Variants in C11orf54 observed in about 807,000 individuals in gnomAD.
The protein encoded by C11orf54 is beta-keto-L-gulonate decarboxylase.
C11orf54 carries 29 observed loss-of-function variants against 35.5 expected under a neutral mutation model. That is an observed-to-expected ratio of 0.82 (90% CI 0.61 to 1.11). The LOEUF is 1.11. Among genes scored for constraint, C11orf54 ranks in the 50% most tolerant of loss-of-function variants. C11orf54 has a pLI of 0.00. For synonymous variants in C11orf54, 108 were observed against 121.1 expected (o/e 0.89, Z 0.71); for missense variants, 373 against 369.2 (o/e 1.01, Z -0.08).
chr11:93,759,708 G>A lies in C11orf54; in HGVS notation c.658-34G>A, dbSNP rs143116162. On this transcript the variant is annotated intron_variant, in intron 7 of 8. Transcript: ENST00000354421. ...AATTTTTAATTCTTAGTAATATTCA[G>A]TATGTTTACCTATGTAATTATCTTT... is the stretch of plus-strand genomic sequence containing the variant. The A allele has an allele frequency of 2.9e-3, 3,279 of 1,114,846 alleles. 65 individuals are homozygous for A. In the African/African-American group the frequency reaches 0.047, roughly 16 times the overall value. The allele number at this position is 1,114,846 out of a possible 1,614,324, so 69.1% of individuals were successfully genotyped here. A position where few individuals can be genotyped will look rare whatever the true frequency, so the allele number is the denominator to read the frequency against.
intron 7 of C11orf54, among the ~76,000 whole-genome samples, chr11:93,758,836 G>A (rs1220287352): frequency 6.6e-6 from 1 of 152,266 alleles, no homozygotes; most frequent in East Asian, 1.9e-4. Context: ...GGGCAGAAGG[G>A]GGCGGGTTTC....
At chr11:93,743,920 G>A (rs896675900) in intron 1 of C11orf54, among the ~76,000 whole-genome samples, 4 of 152,078 alleles carry the variant, frequency 2.6e-5, no homozygotes, top group African/African-American at 9.7e-5. Flanking sequence ...TGTATTCCTG[G>A]AGTTTATGTG....
At chr11:93,760,939 A>C (rs977050854) in intron 8 of C11orf54, among the ~76,000 whole-genome samples, 12 of 152,192 alleles carry the variant, frequency 7.9e-5, no homozygotes, top group South Asian at 2.1e-4. Context: ...GATTACAGGC[A>C]TGAGCTACTC....
chr11:93,747,848 A>G (rs1463792359), intron 2 of C11orf54, among the ~76,000 whole-genome samples: 1 of 152,158 alleles, frequency 6.6e-6, no homozygotes, highest in East Asian at 1.9e-4. Flanking sequence ...TATGTTAATC[A>G]TATTCCCAAT....
intron 6 of C11orf54, among the ~76,000 whole-genome samples, chr11:93,756,628 G>A (rs1394429495): frequency 6.6e-6 from 1 of 152,084 alleles, no homozygotes; most frequent in African/African-American, 2.4e-5. Flanking sequence ...CTTACAGGTA[G>A]TAAATAGGTT....
At position 93,741,746 on chromosome 11, in the gene C11orf54, G is replaced by T. The variant is rs1038933317; in HGVS notation, c.-98+18G>T. The T allele has an allele frequency of 3.2e-6, 1 of 317,356 alleles. No individual in the cohort carries two copies. Among genetic ancestry groups the T allele is most frequent in the African/African-American group, 2.2e-5 (1 of 45,396 alleles). The allele number at this position is 317,356 out of a possible 1,614,324, so 19.7% of individuals were successfully genotyped here. On this transcript the variant is annotated intron_variant, in intron 1 of 8. Transcript: ENST00000354421. ...CCGTTTAGGTGAGTGGAATAGCCAA[G>T]AACATTTCGGCAAATAACAAAAACA... is the stretch of plus-strand genomic sequence containing the variant.
In C11orf54 at chr11:93,762,144, G is replaced by A. The variant is rs2135689208; in HGVS notation, c.*456G>A. On this transcript the variant is annotated 3_prime_UTR_variant, in exon 9 of 9. Transcript: ENST00000354421. Reference sequence around the variant, plus strand: ...TTTATACCTTGAATATAAATATCAGGAATCATGCAATTATTTCTACTATGT... The same window carrying A: ...TTTATACCTTGAATATAAATATCAGAAATCATGCAATTATTTCTACTATGT... 6.6e-6 allele frequency: 1 copy of A among 152,096 alleles called. No individual in the cohort carries two copies. The highest frequency in any genetic ancestry group is 1.5e-5 in the Non-Finnish European group (1 of 68,052). The allele number at this position is 152,096 out of a possible 1,614,324, so 9.4% of individuals were successfully genotyped here.
rs759610090 is a variant in C11orf54 at position 93,747,358 on chromosome 11, C to CT, written c.-35dup. 9 of 1,536,090 alleles carry CT rather than the reference C, an allele frequency of 5.9e-6. No individual in the cohort carries two copies. In the South Asian group the frequency reaches 1.1e-4, roughly 19 times the overall value. ...TTGTGATAATTAACCAAGAGTAGCT[C>CT]TATTTGTCCAACCTCACACCTAAAG... On this transcript the variant is annotated 5_prime_UTR_variant, in exon 2 of 9. Coordinates refer to ENST00000354421, the MANE Select transcript of C11orf54 (RefSeq NM_001286069.2).
Position 93,761,534 on chromosome 11 carries a change from A to ATTT in C11orf54, c.794_795insTTT (p.Glu265delinsAspLeu). On this transcript the variant is annotated protein_altering_variant, in exon 9 of 9. Coordinates refer to ENST00000354421, the MANE Select transcript of C11orf54 (RefSeq NM_001286069.2). ...TCTTAGGGGTTTGATTTGCGACTGG[A>ATTT]GCACACTCATTTTTTTAGTCGTCAT... 1 of 1,609,886 alleles carries ATTT rather than the reference A, an allele frequency of 6.2e-7. No homozygotes were observed. The highest frequency in any genetic ancestry group is 2.2e-5 in the East Asian group (1 of 44,636).
At chr11:93,758,828 G>T (rs1006714894) in intron 7 of C11orf54, among the ~76,000 whole-genome samples, 2 of 152,242 alleles carry the variant, frequency 1.3e-5, no homozygotes, top group African/African-American at 2.4e-5. Flanking sequence ...AGGTTCCGGG[G>T]CAGAAGGGGG....
intron 1 of C11orf54, chr11:93,746,762 A>C (rs1016509001): frequency 1.8e-4 from 28 of 152,224 alleles, no homozygotes; most frequent in Admixed American, 1.2e-3. Context: ...TAAGGAACTC[A>C]TTTAATTTTT....
At chr11:93,752,633 C>T (rs1942901915) in intron 3 of C11orf54, among the ~76,000 whole-genome samples, 1 of 151,944 alleles carries the variant, frequency 6.6e-6, no homozygotes, top group Admixed American at 6.6e-5. Flanking sequence ...CTTTCCTTAG[C>T]CTCTTCTTAT....
rs1470973229 is a variant in C11orf54, at chr11:93,762,129, G to A, written c.*441G>A. On this transcript the variant is annotated 3_prime_UTR_variant, in exon 9 of 9. Transcript: ENST00000354421. Reference sequence around the variant, plus strand: ...GCGAAATCAGTCATGTTTATACCTTGAATATAAATATCAGGAATCATGCAA... The same window carrying A: ...GCGAAATCAGTCATGTTTATACCTTAAATATAAATATCAGGAATCATGCAA... 1 of 151,960 alleles carries A rather than the reference G, an allele frequency of 6.6e-6. No individual in the cohort carries two copies. The highest frequency in any genetic ancestry group is 6.6e-5 in the Admixed American group (1 of 15,246). 9.4% of individuals were successfully genotyped at this position (151,960 alleles called of 1,614,324 possible). A position where few individuals can be genotyped will look rare whatever the true frequency, so the allele number is the denominator to read the frequency against.
intron 3 of C11orf54, among the ~76,000 whole-genome samples, chr11:93,753,079 T>C (rs1308786382): frequency 3.3e-5 from 5 of 151,798 alleles, no homozygotes; most frequent in African/African-American, 7.3e-5. Flanking sequence ...CCCCGCCGGG[T>C]TCAAGCAATC....
chr11:93,756,684 G>A lies in C11orf54; in HGVS notation c.508-632G>A, dbSNP rs116633254. Among the ~76,000 whole-genome samples, 671 of 152,200 alleles carry A rather than the reference G, an allele frequency of 4.4e-3. 5 individuals carry two copies. The highest frequency in any genetic ancestry group is 0.015 in the African/African-American group (640 of 41,530). ...TCACACATTGCTCTAGATAGAAATGGTGGTAGCAAAAACTTACAGCAAGAA... is the reference window on the plus strand; with the variant it reads ...TCACACATTGCTCTAGATAGAAATGATGGTAGCAAAAACTTACAGCAAGAA... On this transcript the variant is annotated intron_variant, in intron 6 of 8. Coordinates refer to ENST00000354421, the MANE Select transcript of C11orf54 (RefSeq NM_001286069.2).
intron 1 of C11orf54, chr11:93,747,029 A>C (rs117447794): frequency 1.4e-3 from 221 of 158,056 alleles, no homozygotes; most frequent in Middle Eastern, 3.1e-3. Context: ...TCACACTTGT[A>C]ATCCCAGCAT....
chr11:93,752,798 G>C (rs376740345), intron 3 of C11orf54, among the ~76,000 whole-genome samples: 2 of 144,390 alleles, frequency 1.4e-5, no homozygotes, highest in Non-Finnish European at 1.5e-5. Flanking sequence ...ACCCAGGCTG[G>C]AGTGCAGTGG....
intron 1 of C11orf54, among the ~76,000 whole-genome samples, chr11:93,743,546 G>A (rs1002654685): frequency 6.6e-6 from 1 of 152,196 alleles, no homozygotes; most frequent in Non-Finnish European, 1.5e-5. Flanking sequence ...CACCCTTTAT[G>A]GGAGGGTGCG....
chr11:93,755,188 A>C, intron 5 of C11orf54, 22 bp from the exon 6 acceptor site: 1 of 1,609,402 alleles, frequency 6.2e-7, no homozygotes, highest in Non-Finnish European at 8.5e-7. Context: ...AAGATTGACT[A>C]ATTGCCTCAC....
Sources: allele counts gnomAD v4.1 joint callset (sites outside exome capture counted in the v4.1 genomes callset), GRCh38; gene constraint gnomAD v4.1.1; transcripts MANE v1.5; gene names NCBI Gene and HGNC (gene_info 2026-07-23, HGNC 2026-07-21).